The following RIC1 variants were observed in gnomAD, a reference collection of about 807,000 sequenced individuals.
The protein encoded by RIC1 is RIC1 partner of RAB6A GEF complex.
Under a neutral mutation model 169.0 loss-of-function variants are expected in RIC1, and 88 were observed. The observed-to-expected ratio is 0.52, with a 90% CI of 0.44 to 0.62. The LOEUF is 0.62. RIC1 is among the 20% of genes least tolerant of loss of function. The probability of loss-of-function intolerance (pLI) is 0.00; values close to 1 mark genes in which losing one functional copy is unlikely to be tolerated. For synonymous variants in RIC1, 790 were observed against 601.5 expected, an observed-to-expected ratio of 1.31 and a Z score of -4.59; for missense variants, 1,877 against 1,725.5, an observed-to-expected ratio of 1.09 and a Z score of -1.56.
At chr9:5,651,161 T>G (rs957740049) in intron 1 of RIC1, among the ~76,000 whole-genome samples, 1 of 152,046 alleles carries the variant, frequency 6.6e-6, no homozygotes, top group African/African-American at 2.4e-5. Flanking sequence ...GTGGTGGGAG[T>G]GTGAGCTGCT....
chr9:5,728,961 G>T (rs1824182353), intron 6 of RIC1, among the ~76,000 whole-genome samples: 1 of 152,132 alleles, frequency 6.6e-6, no homozygotes, highest in Non-Finnish European at 1.5e-5. Context: ...AGCTGACTGA[G>T]TTATTTACTT....
At chr9:5,671,761 C>G (rs902136352) in intron 2 of RIC1, among the ~76,000 whole-genome samples, 15 of 152,106 alleles carry the variant, frequency 9.9e-5, no homozygotes, top group African/African-American at 3.6e-4. Context: ...AAACATGAGC[C>G]TAAAGTCAGA....
At chr9:5,640,725 A>T (rs1307607715) in intron 1 of RIC1, among the ~76,000 whole-genome samples, 1 of 152,184 alleles carries the variant, frequency 6.6e-6, no homozygotes, top group Non-Finnish European at 1.5e-5. Flanking sequence ...TGGTCATTAA[A>T]TACTCTTTTC....
chr9:5,704,045 T>G (rs916801255), intron 3 of RIC1, among the ~76,000 whole-genome samples: 11 of 151,156 alleles, frequency 7.3e-5, no homozygotes, highest in African/African-American at 2.2e-4. Flanking sequence ...TTTCTGGGTT[T>G]TTTTTTTTAT....
intron 4 of RIC1, among the ~76,000 whole-genome samples, chr9:5,715,599 C>T (rs1271456128): frequency 7.9e-5 from 12 of 152,122 alleles, no homozygotes; most frequent in Non-Finnish European, 2.9e-5. Flanking sequence ...TCCCTCCTGT[C>T]ACCACAAATA....
chr9:5,637,648 CTT>C (rs1283564147), intron 1 of RIC1, among the ~76,000 whole-genome samples: 1 of 152,204 alleles, frequency 6.6e-6, no homozygotes, highest in Non-Finnish European at 1.5e-5. Context: ...TCTTTCCACT[CTT>C]TATCACCATT....
chr9:5,768,601 C>T (rs547853471), intron 21 of RIC1, among the ~76,000 whole-genome samples: 12 of 152,112 alleles, frequency 7.9e-5, no homozygotes, highest in Non-Finnish European at 1.6e-4. Context: ...TTCACTTTGC[C>T]TCTCTATCCT....
chr9:5,653,609 T>TTTCA (rs1254571305), intron 1 of RIC1, among the ~76,000 whole-genome samples: 1 of 152,014 alleles, frequency 6.6e-6, no homozygotes, highest in Non-Finnish European at 1.5e-5. Flanking sequence ...TCTTTCTTTC[T>TTTCA]TTTTTTGAGA....
At chr9:5,758,384 G>A (rs927419400) in intron 17 of RIC1, among the ~76,000 whole-genome samples, 3 of 152,058 alleles carry the variant, frequency 2.0e-5, no homozygotes, top group South Asian at 2.1e-4. Flanking sequence ...ACTTCCTATC[G>A]AGGCACTTCG....
Position 5,684,345 on chromosome 9 carries a change from T to C in RIC1, c.253-5614T>C, listed in dbSNP as rs1024729997. ...ACAGAAATGTCTGCTGGGAGTTTGA[T>C]TGGGATTACATTGAATCTTTGGATC... On this transcript the variant is annotated intron_variant, in intron 2 of 25. Coordinates refer to ENST00000414202, the MANE Select transcript of RIC1 (RefSeq NM_020829.4). 9.4e-5 allele frequency among the ~76,000 whole-genome samples: 13 copies of C among 138,352 alleles called. No individual in the cohort carries two copies. In the Admixed American group the frequency reaches 9.7e-4, roughly 10 times the overall value. The allele number at this position is 138,352 out of a possible 152,430, so 90.8% of individuals were successfully genotyped here. A position where few individuals can be genotyped will look rare whatever the true frequency, so the allele number is the denominator to read the frequency against.
At chr9:5,701,736 A>C (rs976507987) in intron 3 of RIC1, among the ~76,000 whole-genome samples, 1 of 152,208 alleles carries the variant, frequency 6.6e-6, no homozygotes, top group African/African-American at 2.4e-5. Context: ...TGAATATGGT[A>C]GGTAGTGCAT....
intron 1 of RIC1, among the ~76,000 whole-genome samples, chr9:5,631,574 C>G (rs1045036221): frequency 1.3e-5 from 2 of 151,696 alleles, no homozygotes; most frequent in African/African-American, 2.4e-5. Context: ...ATAGCCCCAG[C>G]TACTCGGGAG....
At chr9:5,715,807 C>T (rs1168710905) in intron 4 of RIC1, among the ~76,000 whole-genome samples, 2 of 151,108 alleles carry the variant, frequency 1.3e-5, no homozygotes, top group African/African-American at 2.4e-5. Context: ...TTCCCCTCCC[C>T]TCCCATCCCC....
chr9:5,683,678 G>A lies in RIC1; in HGVS notation c.253-6281G>A, dbSNP rs570641420. On this transcript the variant is annotated intron_variant, in intron 2 of 25. Coordinates refer to ENST00000414202, the MANE Select transcript of RIC1 (RefSeq NM_020829.4). Reference sequence around the variant, plus strand: ...GCCACTACCCTCTTCAAAGCTGTCAGACAGGGACATTTAAGTCTGCAGAGG... The same window carrying A: ...GCCACTACCCTCTTCAAAGCTGTCAAACAGGGACATTTAAGTCTGCAGAGG... Among the ~76,000 whole-genome samples, 36 of 152,328 alleles carry A rather than the reference G, an allele frequency of 2.4e-4. 1 individual carries two copies. The highest frequency in any genetic ancestry group is 5.0e-4 in the Non-Finnish European group (34 of 68,022).
At chr9:5,665,171 T>A (rs1046883712) in intron 2 of RIC1, among the ~76,000 whole-genome samples, 2 of 152,264 alleles carry the variant, frequency 1.3e-5, no homozygotes, top group South Asian at 4.1e-4. Flanking sequence ...TGTAATGCCC[T>A]TTGTCTTTTT....
intron 6 of RIC1, among the ~76,000 whole-genome samples, chr9:5,721,867 T>G (rs1241830892): frequency 1.3e-5 from 2 of 152,120 alleles, no homozygotes; most frequent in Non-Finnish European, 2.9e-5. Flanking sequence ...TTAGCTGTTC[T>G]GTTCATTTCA....
intron 2 of RIC1, among the ~76,000 whole-genome samples, chr9:5,681,654 T>C (rs1486887288): frequency 1.3e-5 from 2 of 152,234 alleles, no homozygotes; most frequent in African/African-American, 4.8e-5. Flanking sequence ...AGATGTCTAT[T>C]AGGTCTGCTT....
chr9:5,633,079 A>G (rs893252667), intron 1 of RIC1, among the ~76,000 whole-genome samples: 4 of 152,230 alleles, frequency 2.6e-5, no homozygotes, highest in African/African-American at 9.6e-5. Flanking sequence ...TAGGTAGCTA[A>G]TAAAAAGCTG....
At chr9:5,744,532 G>T (rs765338098) in intron 10 of RIC1, among the ~76,000 whole-genome samples, 1 of 152,032 alleles carries the variant, frequency 6.6e-6, no homozygotes, top group South Asian at 2.1e-4. Context: ...TACATTCTTG[G>T]GGATGGGACT....
Sources: gnomAD v4.1 joint callset for allele counts (sites outside exome capture counted in the v4.1 genomes callset) on GRCh38, gnomAD v4.1.1 for gene constraint, MANE v1.5 for transcripts, NCBI Gene and HGNC (gene_info 2026-07-23, HGNC 2026-07-21) for gene names.